Variants in STK32B observed in about 807,000 individuals in gnomAD.
STK32B encodes serine/threonine kinase 32B.
A neutral mutation model predicts 52.6 loss-of-function variants in STK32B; 43 were observed. That is an observed-to-expected ratio of 0.82 (90% CI 0.64 to 1.05). The LOEUF is 1.05. Ranked by LOEUF, STK32B falls within the 50% of genes least tolerant of loss-of-function variation. The pLI, the probability that STK32B is intolerant of heterozygous loss-of-function variation, is 0.00. For missense variants in STK32B, 621 were observed against 534.6 expected (o/e 1.16, Z -1.59); for synonymous variants, 238 against 204.3 (o/e 1.17, Z -1.41).
intron 2 of STK32B, among the ~76,000 whole-genome samples, chr4:5,150,330 T>C (rs1167815542): frequency 6.6e-6 from 1 of 152,194 alleles, no homozygotes; most frequent in East Asian, 1.9e-4. Context: ...TTATGCTAAT[T>C]ACAACATCTG....
chr4:5,249,325 C>T (rs1313699972), intron 3 of STK32B, among the ~76,000 whole-genome samples: 1 of 152,130 alleles, frequency 6.6e-6, no homozygotes, highest in African/African-American at 2.4e-5. Flanking sequence ...GGTCACACAA[C>T]TAAGAAGGCT....
At chr4:5,070,776 C>T (rs1310604584) in intron 1 of STK32B, among the ~76,000 whole-genome samples, 2 of 152,170 alleles carry the variant, frequency 1.3e-5, no homozygotes, top group Non-Finnish European at 2.9e-5. Flanking sequence ...CTGGTTGGAA[C>T]AGAACATGCA....
chr4:5,336,849 G>T (rs967235514), intron 4 of STK32B, among the ~76,000 whole-genome samples: 2 of 152,176 alleles, frequency 1.3e-5, no homozygotes, highest in Non-Finnish European at 1.5e-5. Flanking sequence ...GAGAGCCTAC[G>T]AAGGGCACGG....
chr4:5,276,394 C>G (rs1727826784), intron 3 of STK32B, among the ~76,000 whole-genome samples: 1 of 152,146 alleles, frequency 6.6e-6, no homozygotes, highest in Non-Finnish European at 1.5e-5. Context: ...GGGAGGTCAG[C>G]AAGGGGCCCT....
chr4:5,184,075 C>T (rs1056074373), intron 3 of STK32B, among the ~76,000 whole-genome samples: 1 of 152,198 alleles, frequency 6.6e-6, no homozygotes, highest in Non-Finnish European at 1.5e-5. Context: ...AACTTTTTCT[C>T]TGCATTCAGA....
At chr4:5,212,023 C>A (rs572728263) in intron 3 of STK32B, among the ~76,000 whole-genome samples, 4 of 152,206 alleles carry the variant, frequency 2.6e-5, no homozygotes, top group African/African-American at 9.7e-5. Context: ...ATTCAACACT[C>A]GTGCAGCAAA....
chr4:5,117,015 T>C (rs992340321), intron 1 of STK32B, among the ~76,000 whole-genome samples: 7 of 152,240 alleles, frequency 4.6e-5, no homozygotes, highest in African/African-American at 1.4e-4. Flanking sequence ...CTTTACGGAA[T>C]TCATTTGTTA....
intron 9 of STK32B, among the ~76,000 whole-genome samples, chr4:5,463,477 CTCAG>C (rs1457024035): frequency 7.7e-6 from 1 of 129,948 alleles, no homozygotes; most frequent in Non-Finnish European, 1.8e-5. Flanking sequence ...CACTCACACA[CTCAG>C]TCACACTCAC....
intron 1 of STK32B, among the ~76,000 whole-genome samples, chr4:5,137,797 C>T (rs142425892): frequency 6.6e-6 from 1 of 152,296 alleles, no homozygotes; most frequent in Non-Finnish European, 1.5e-5. Context: ...TGGGGAAAAG[C>T]TTCCCAAGAG....
intron 3 of STK32B, among the ~76,000 whole-genome samples, chr4:5,301,745 G>GTT (rs139364155): frequency 0.13 from 15,531 of 120,900 alleles, 1,738 homozygotes; most frequent in African/African-American, 0.38. Flanking sequence ...AGTTCCATTA[G>GTT]CTTTTTTTTT....
At chr4:5,216,474 G>A (rs999580521) in intron 3 of STK32B, among the ~76,000 whole-genome samples, 2 of 152,170 alleles carry the variant, frequency 1.3e-5, no homozygotes, top group Non-Finnish European at 2.9e-5. Flanking sequence ...ATATAAAGTA[G>A]GAGAACTTAT....
chr4:5,426,699 A>AAAAAAAAAAAAAAAAAAAAAAG, intron 6 of STK32B, among the ~76,000 whole-genome samples: 3 of 146,512 alleles, frequency 2.0e-5, no homozygotes, highest in Non-Finnish European at 3.0e-5. Flanking sequence ...AAACAAAAAA[A>AAAAAAAAAAAAAAAAAAAAAAG]AAAAAAAAAA....
chr4:5,263,593 C>T (rs1031234900), intron 3 of STK32B, among the ~76,000 whole-genome samples: 2 of 152,212 alleles, frequency 1.3e-5, no homozygotes, highest in Non-Finnish European at 2.9e-5. Flanking sequence ...TAAGAGTGAT[C>T]AGGAAAGCAT....
intron 6 of STK32B, among the ~76,000 whole-genome samples, chr4:5,424,061 G>A (rs550518633): frequency 2.3e-4 from 35 of 152,196 alleles, no homozygotes; most frequent in Non-Finnish European, 4.3e-4. Context: ...CCCTGCTCCT[G>A]GTACCCACTC....
At chr4:5,493,316 A>C (rs1719913262) in intron 11 of STK32B, among the ~76,000 whole-genome samples, 1 of 152,072 alleles carries the variant, frequency 6.6e-6, no homozygotes, top group African/African-American at 2.4e-5. Flanking sequence ...GGGAGGGTGT[A>C]TGTGTTGAGG....
intron 11 of STK32B, 125 bp from the exon 12 acceptor site, chr4:5,498,802 GATGCCTTAATGATCAATC>G: frequency 8.0e-7 from 1 of 1,253,020 alleles, no homozygotes; most frequent in Admixed American, 3.3e-5. Context: ...CAGCACCGTG[GATGCCTTAATGATCAATC>G]TTCCCAGGTA....
At chr4:5,085,974 C>A (rs1051132583) in intron 1 of STK32B, among the ~76,000 whole-genome samples, 2 of 151,092 alleles carry the variant, frequency 1.3e-5, no homozygotes, top group Admixed American at 6.6e-5. Flanking sequence ...TTATTTTACT[C>A]AACTTGGAAC....
At chr4:5,334,424 C>G (rs1211963698) in intron 4 of STK32B, among the ~76,000 whole-genome samples, 2 of 152,128 alleles carry the variant, frequency 1.3e-5, no homozygotes, top group Non-Finnish European at 2.9e-5. Flanking sequence ...CATCTGCAAA[C>G]AGGGACAATT....
At chr4:5,057,594 G>A (rs924238905) in intron 1 of STK32B, among the ~76,000 whole-genome samples, 1 of 152,168 alleles carries the variant, frequency 6.6e-6, no homozygotes, top group Non-Finnish European at 1.5e-5. Context: ...CCAACAGTAT[G>A]AGCTGAAGTG....
Sources: gnomAD v4.1 joint callset for allele counts (sites outside exome capture counted in the v4.1 genomes callset) on GRCh38, gnomAD v4.1.1 for gene constraint, MANE v1.5 for transcripts, NCBI Gene and HGNC (gene_info 2026-07-23, HGNC 2026-07-21) for gene names.